Variants in SAMM50 observed in about 807,000 individuals in gnomAD.
SAMM50 encodes sorting and assembly machinery component 50 homolog.
SAMM50 carries 47 observed loss-of-function variants against 66.9 expected under a neutral mutation model. The ratio of observed to expected loss-of-function variants is 0.70; its 90% CI spans 0.56 to 0.90. SAMM50 has a LOEUF of 0.90. Ranked by LOEUF, SAMM50 falls within the 40% of genes least tolerant of loss-of-function variation. The pLI, the probability that SAMM50 is intolerant of heterozygous loss-of-function variation, is 0.00. For missense variants in SAMM50, 535 were observed against 595.3 expected (o/e 0.90, Z 1.05); for synonymous variants, 191 against 214.1 (o/e 0.89, Z 0.94).
At position 43,975,932 on chromosome 22, in the gene SAMM50, C is replaced by G. The variant is rs573414500; in HGVS notation, c.649-123C>G. 1.6e-5 allele frequency: 16 copies of G among 985,030 alleles called. No homozygotes were observed. The South Asian group carries it at 2.7e-4, about 16-fold the overall frequency. 61.0% of individuals were successfully genotyped at this position (985,030 alleles called of 1,614,324 possible). On this transcript the variant is annotated intron_variant, in intron 7 of 14. Coordinates refer to ENST00000350028, the MANE Select transcript of SAMM50 (RefSeq NM_015380.5). The stretch of plus-strand genomic sequence containing the variant: ...TCTCTTCTTCCCCTTCTCCCTCTCT[C>G]TCATCATTAAAAAAAATTAGATATT...
intron 8 of SAMM50, 27 bp from the exon 9 acceptor site, chr22:43,976,723 A>G (rs1347691389): frequency 6.4e-7 from 1 of 1,569,988 alleles, no homozygotes; most frequent in Non-Finnish European, 8.8e-7. Context: ...CTTAAAGTGA[A>G]AATATCCCCA....
chr22:43,958,550 C>G (rs552329411), intron 1 of SAMM50, among the ~76,000 whole-genome samples: 1 of 147,170 alleles, frequency 6.8e-6, no homozygotes, highest in East Asian at 2.0e-4. Flanking sequence ...GCCATCTCGG[C>G]TCACTGCAAC....
At chr22:43,996,047 C>T (rs1018790645) in intron 14 of SAMM50, 6 of 468,710 alleles carry the variant, frequency 1.3e-5, no homozygotes, top group Non-Finnish European at 2.4e-5. Flanking sequence ...TCCTCTCCGT[C>T]CGGAGAGGGG....
rs923317435 is a variant in SAMM50, at chr22:43,974,090, C to T, written c.648+767C>T. On this transcript the variant is annotated intron_variant, in intron 7 of 14. Coordinates refer to ENST00000350028, the MANE Select transcript of SAMM50 (RefSeq NM_015380.5). ...CTCTTGTTCTGGGCTTTAGTTCTTG[C>T]GGAGAGCCCTGAGATAGAATACTAT... 2.6e-4 allele frequency among the ~76,000 whole-genome samples: 40 copies of T among 151,892 alleles called. 1 individual carries two copies. The highest frequency in any genetic ancestry group is 3.9e-4 in the Admixed American group (6 of 15,232).
chr22:43,981,961 TG>T (rs1163692788), intron 11 of SAMM50, among the ~76,000 whole-genome samples: 2 of 152,372 alleles, frequency 1.3e-5, no homozygotes, highest in Non-Finnish European at 2.9e-5. Context: ...TTATTTTCTG[TG>T]GTATTACTCT....
intron 10 of SAMM50, among the ~76,000 whole-genome samples, chr22:43,981,143 C>T (rs543877857): frequency 4.6e-5 from 7 of 152,254 alleles, no homozygotes; most frequent in Non-Finnish European, 8.8e-5. Context: ...GAATGGAAGC[C>T]GGGCCCTGCT....
chr22:43,980,160 C>CCACT (rs2050257096), intron 10 of SAMM50, among the ~76,000 whole-genome samples: 1 of 16,774 alleles, frequency 6.0e-5, no homozygotes, highest in East Asian at 1.1e-3. Flanking sequence ...ATCCATCCAT[C>CCACT]CATTCACCCA....
chr22:43,974,213 G>A (rs2050219410), intron 7 of SAMM50, among the ~76,000 whole-genome samples: 1 of 152,132 alleles, frequency 6.6e-6, no homozygotes, highest in African/African-American at 2.4e-5. Context: ...ACCTTGAGCT[G>A]CCAAGTCCGA....
At chr22:43,956,116 C>T (rs970523355) in intron 1 of SAMM50, among the ~76,000 whole-genome samples, 14 of 152,154 alleles carry the variant, frequency 9.2e-5, no homozygotes, top group Non-Finnish European at 2.1e-4. Context: ...GTAATAGTAC[C>T]TACCTCGCCT....
Position 43,955,723 on chromosome 22 carries a change from G to A in SAMM50, c.21+125G>A. Reference sequence around the variant, plus strand: ...GGGAGAGAGGGTGCCAAGGGTGCCGGGCTGGGTGGAGGAGGCCGAAAAGAG... The same window carrying A: ...GGGAGAGAGGGTGCCAAGGGTGCCGAGCTGGGTGGAGGAGGCCGAAAAGAG... On this transcript the variant is annotated intron_variant, in intron 1 of 14. Coordinates refer to ENST00000350028, the MANE Select transcript of SAMM50 (RefSeq NM_015380.5). The A allele has an allele frequency of 1.0e-5, 11 of 1,102,058 alleles. No individual in the cohort carries two copies. The South Asian group carries it at 1.7e-4, about 17-fold the overall frequency. 68.3% of individuals were successfully genotyped at this position (1,102,058 alleles called of 1,614,324 possible).
chr22:43,976,489 A>G (rs1338616141), intron 8 of SAMM50, among the ~76,000 whole-genome samples: 1 of 152,208 alleles, frequency 6.6e-6, no homozygotes, highest in Non-Finnish European at 1.5e-5. Flanking sequence ...GAGAGAACGA[A>G]CCCGGTGGTG....
At chr22:43,994,780 C>T (rs1367282424) in intron 14 of SAMM50, among the ~76,000 whole-genome samples, 1 of 152,174 alleles carries the variant, frequency 6.6e-6, no homozygotes, top group African/African-American at 2.4e-5. Flanking sequence ...CGCAGCGCTG[C>T]TTTGAATGTT....
At chr22:43,967,358 G>C (rs1447632903) in intron 3 of SAMM50, among the ~76,000 whole-genome samples, 1 of 152,188 alleles carries the variant, frequency 6.6e-6, no homozygotes, top group Non-Finnish European at 1.5e-5. Flanking sequence ...TGTCTGCTCT[G>C]CCTGTCTTCC....
chr22:43,978,926 C>T (rs1296864373), intron 10 of SAMM50, among the ~76,000 whole-genome samples: 4 of 152,164 alleles, frequency 2.6e-5, no homozygotes, highest in African/African-American at 9.7e-5. Flanking sequence ...TGTTACTGCC[C>T]CTATTCAGCC....
rs7289211 is a variant in SAMM50 at position 43,971,538 on chromosome 22, G to A, written c.323-698G>A. ...GGGTTACTGACACCCCTATTGTCAT[G>A]TGAGTTCCCCATTTTCATGTCGGTT... On this transcript the variant is annotated intron_variant, in intron 4 of 14. Coordinates refer to ENST00000350028, the MANE Select transcript of SAMM50 (RefSeq NM_015380.5). Among the ~76,000 whole-genome samples, 790 of 152,294 alleles carry A rather than the reference G, an allele frequency of 5.2e-3. 8 individuals are homozygous for A. Among genetic ancestry groups the A allele is most frequent in the African/African-American group, 0.018 (752 of 41,562 alleles).
In SAMM50 at chr22:43,972,322, G is replaced by A; in HGVS notation, c.409G>A (p.Gly137Arg). The A allele has an allele frequency of 6.3e-7, 1 of 1,598,020 alleles. No homozygotes were observed. The highest frequency in any genetic ancestry group is 1.8e-5 in the Admixed American group (1 of 56,356). The change falls in exon 5 of 15, where the codon GGA (glycine) becomes AGA (arginine). Residue 137 changes from glycine (G) to arginine (R), a missense_variant. By Grantham distance (125) the Gly-to-Arg change is moderately radical (BLOSUM62 -2). Coordinates refer to ENST00000350028, the MANE Select transcript of SAMM50 (RefSeq NM_015380.5). ...AACGGGCAGTTATAACACCATGGTT[G>A]GAAACAATGAAGGCAGTATGGTATG... ...RLTGSYNTMV[G>R]NNEGSMVLGL... is the part of the protein sequence containing the mutation.
intron 9 of SAMM50, 41 bp downstream of exon 9, chr22:43,976,862 G>T (rs1478979031): frequency 7.6e-7 from 1 of 1,312,160 alleles, no homozygotes; most frequent in Admixed American, 1.9e-5. Context: ...GGTGAGGGGA[G>T]CCAAACTTTG....
chr22:43,979,391 TC>T (rs964907601), intron 10 of SAMM50, among the ~76,000 whole-genome samples: 3 of 152,146 alleles, frequency 2.0e-5, no homozygotes, highest in Admixed American at 2.0e-4. Flanking sequence ...ACGCCTGGGC[TC>T]CCCATCCACT....
At chr22:43,987,678 T>TA (rs1423160658) in intron 12 of SAMM50, 3 of 152,072 alleles carry the variant, frequency 2.0e-5, no homozygotes, top group Non-Finnish European at 4.4e-5. Flanking sequence ...AATAAAAGCT[T>TA]AAAAAAATAC....
Sources: allele counts gnomAD v4.1 joint callset (sites outside exome capture counted in the v4.1 genomes callset), GRCh38; gene constraint gnomAD v4.1.1; transcripts MANE v1.5; gene names NCBI Gene and HGNC (gene_info 2026-07-23, HGNC 2026-07-21).